Variants in GMDS observed in about 807,000 individuals in gnomAD.
GMDS encodes GDP-mannose 4,6 dehydratase.
A neutral mutation model predicts 49.9 loss-of-function variants in GMDS; 20 were observed. The ratio of observed to expected loss-of-function variants is 0.40; its 90% confidence interval spans 0.28 to 0.58. GMDS has a LOEUF of 0.58. Among genes scored for constraint, GMDS ranks in the 20% least tolerant of loss-of-function variants. The pLI is 0.42. For missense variants in GMDS, 362 were observed against 481.4 expected (o/e 0.75, Z 2.32); for synonymous variants, 177 against 178.6 (o/e 0.99, Z 0.07).
At chr6:1,630,183 G>A (rs950534655) in intron 9 of GMDS, among the ~76,000 whole-genome samples, 2 of 152,222 alleles carry the variant, frequency 1.3e-5, no homozygotes, top group Non-Finnish European at 2.9e-5. Flanking sequence ...AGAAATACAG[G>A]ATTTAAGCAA....
At chr6:1,946,039 TC>T (rs1013614818) in intron 6 of GMDS, among the ~76,000 whole-genome samples, 64 of 152,308 alleles carry the variant, frequency 4.2e-4, no homozygotes, top group African/African-American at 1.5e-3. Context: ...TGGCAAAATT[TC>T]AGGTGAAAGA....
intron 7 of GMDS, among the ~76,000 whole-genome samples, chr6:1,898,643 C>T (rs1760344285): frequency 6.6e-6 from 1 of 152,124 alleles, no homozygotes; most frequent in Non-Finnish European, 1.5e-5. Context: ...AACAACTAAC[C>T]ACAAGTGTCC....
chr6:2,103,635 C>T (rs1774051883), intron 4 of GMDS, among the ~76,000 whole-genome samples: 1 of 152,308 alleles, frequency 6.6e-6, no homozygotes, highest in East Asian at 1.9e-4. Context: ...CTACAACTCA[C>T]TTCCGAATCT....
chr6:1,793,280 G>C (rs1017473846), intron 7 of GMDS, among the ~76,000 whole-genome samples: 4 of 152,184 alleles, frequency 2.6e-5, no homozygotes, highest in Non-Finnish European at 5.9e-5. Context: ...CTCTACTCCA[G>C]GACGGCTTTA....
chr6:2,196,804 TA>T (rs2127573239), intron 1 of GMDS, among the ~76,000 whole-genome samples: 1 of 149,428 alleles, frequency 6.7e-6, no homozygotes, highest in African/African-American at 2.6e-5. Context: ...GACTTCAAAT[TA>T]GGGACTCTTG....
At chr6:2,172,414 C>T (rs1410055239) in intron 1 of GMDS, among the ~76,000 whole-genome samples, 6 of 152,062 alleles carry the variant, frequency 3.9e-5, no homozygotes, top group Admixed American at 6.5e-5. Flanking sequence ...TTGATATGGC[C>T]GGGCGCAGTG....
At chr6:1,925,268 A>G (rs1008541643) in intron 7 of GMDS, among the ~76,000 whole-genome samples, 9 of 152,234 alleles carry the variant, frequency 5.9e-5, no homozygotes, top group African/African-American at 9.6e-5. Flanking sequence ...ATAGCTGTAT[A>G]TATTTTTTTC....
At chr6:1,804,979 A>G (rs1770111730) in intron 7 of GMDS, among the ~76,000 whole-genome samples, 1 of 152,196 alleles carries the variant, frequency 6.6e-6, no homozygotes, top group Non-Finnish European at 1.5e-5. Flanking sequence ...CCAACCTTCT[A>G]AAGAAGTTGA....
chr6:2,141,865 GCT>G (rs67628075), intron 1 of GMDS, among the ~76,000 whole-genome samples: 25,779 of 145,554 alleles, frequency 0.18, 2,562 homozygotes, highest in Admixed American at 0.23. Flanking sequence ...GGTTGTGCGT[GCT>G]CTCTCTCTCT....
At chr6:1,923,327 G>A (rs531054866) in intron 7 of GMDS, among the ~76,000 whole-genome samples, 2 of 152,260 alleles carry the variant, frequency 1.3e-5, no homozygotes, top group South Asian at 2.1e-4. Flanking sequence ...CTTTGCCTTC[G>A]CTGGCAGAGG....
intron 4 of GMDS, among the ~76,000 whole-genome samples, chr6:2,031,977 C>A (rs796296155): frequency 2.6e-4 from 39 of 152,182 alleles, no homozygotes; most frequent in African/African-American, 9.4e-4. Context: ...TGCCTAATTT[C>A]TCCTAAGTCT....
intron 6 of GMDS, 49 bp from the exon 7 acceptor site, chr6:1,930,279 T>A: frequency 6.4e-7 from 1 of 1,556,724 alleles, no homozygotes; most frequent in Non-Finnish European, 8.8e-7. Flanking sequence ...CTTGACACAT[T>A]TAACAGTTTG....
At chr6:1,736,267 G>A (rs7760724) in intron 8 of GMDS, among the ~76,000 whole-genome samples, 13,198 of 152,184 alleles carry the variant, frequency 0.087, 617 homozygotes, top group African/African-American at 0.12. Context: ...AAAAATCTAA[G>A]CATCTTAGAA....
chr6:2,218,664 T>C (rs1337750894), intron 1 of GMDS, among the ~76,000 whole-genome samples: 1 of 152,228 alleles, frequency 6.6e-6, no homozygotes, highest in African/African-American at 2.4e-5. Context: ...AATTATTAAA[T>C]ATATTTAATA....
chr6:1,975,249 A>G (rs968732632), intron 4 of GMDS, among the ~76,000 whole-genome samples: 8 of 152,224 alleles, frequency 5.3e-5, no homozygotes, highest in African/African-American at 1.9e-4. Context: ...AAAATTCTTT[A>G]AGGGATAAAT....
chr6:1,917,784 C>G (rs1190484612), intron 7 of GMDS, among the ~76,000 whole-genome samples: 1 of 152,152 alleles, frequency 6.6e-6, no homozygotes, highest in Non-Finnish European at 1.5e-5. Context: ...GCCGAGTCAC[C>G]TTCCTGGAAT....
intron 7 of GMDS, among the ~76,000 whole-genome samples, chr6:1,898,656 T>C (rs1428662824): frequency 6.6e-6 from 1 of 152,146 alleles, no homozygotes; most frequent in African/African-American, 2.4e-5. Flanking sequence ...AAGTGTCCTG[T>C]CAGTTACAAA....
At chr6:1,736,510 C>T (rs1461245486) in intron 8 of GMDS, among the ~76,000 whole-genome samples, 1 of 152,202 alleles carries the variant, frequency 6.6e-6, no homozygotes, top group Non-Finnish European at 1.5e-5. Context: ...CGCAGGTTTT[C>T]TCAGCATGAC....
chr6:1,773,194 CTTTTTTT>C (rs535227437), intron 7 of GMDS, among the ~76,000 whole-genome samples: 1 of 143,460 alleles, frequency 7.0e-6, no homozygotes, highest in African/African-American at 2.6e-5. Flanking sequence ...AGAGGGTCCT[CTTTTTTT>C]TTTTTTTTTA....
Sources: allele counts gnomAD v4.1 joint callset (sites outside exome capture counted in the v4.1 genomes callset), GRCh38; gene constraint gnomAD v4.1.1; transcripts MANE v1.5; gene names NCBI Gene and HGNC (gene_info 2026-07-23, HGNC 2026-07-21).